Variants in LINGO2 observed in about 807,000 individuals in gnomAD.
LINGO2 encodes the protein leucine rich repeat and Ig domain containing 2.
A neutral mutation model predicts 30.6 loss-of-function variants in LINGO2; 14 were observed. That is an observed-to-expected ratio of 0.46 (90% CI 0.30 to 0.72). The LOEUF is 0.72. Among genes scored for constraint, LINGO2 ranks in the 30% least tolerant of loss-of-function variants. The pLI, the probability that LINGO2 is intolerant of heterozygous loss-of-function variation, is 0.07. For synonymous variants in LINGO2, 317 were observed against 288.5 expected (o/e 1.10, Z -1.00); for missense variants, 729 against 751.7 (o/e 0.97, Z 0.35).
chr9:28,473,653 C>T (rs965939593), intron 2 of LINGO2, among the ~76,000 whole-genome samples: 1 of 152,024 alleles, frequency 6.6e-6, no homozygotes, highest in East Asian at 1.9e-4. Flanking sequence ...TGTATGACTG[C>T]TTGATTTTCT....
chr9:28,544,715 G>A (rs971505151), intron 1 of LINGO2, among the ~76,000 whole-genome samples: 1 of 150,528 alleles, frequency 6.6e-6, no homozygotes, highest in Non-Finnish European at 1.5e-5. Context: ...TGAGTACACT[G>A]AATATAAAAA....
chr9:28,993,398 C>T, the LINGO2 span, among the ~76,000 whole-genome samples: 24 of 152,178 alleles, frequency 1.6e-4, no homozygotes, highest in South Asian at 4.8e-3. Context: ...AAAAAGAGTC[C>T]AGGACCAGAT....
intron 1 of LINGO2, among the ~76,000 whole-genome samples, chr9:28,540,989 C>A (rs543011480): frequency 6.6e-6 from 1 of 152,236 alleles, no homozygotes; most frequent in East Asian, 1.9e-4. Context: ...AGCCCAGGTC[C>A]ACTCCAATAT....
the LINGO2 span, among the ~76,000 whole-genome samples, chr9:29,109,066 ATATT>A: frequency 6.6e-6 from 1 of 152,196 alleles, no homozygotes; most frequent in Non-Finnish European, 1.5e-5. Flanking sequence ...GCAAATCTAC[ATATT>A]TATATATAAG....
the LINGO2 span, among the ~76,000 whole-genome samples, chr9:28,930,617 T>A: frequency 6.6e-6 from 1 of 152,192 alleles, no homozygotes. This position sits in a 1 kb window ranked among gnomAD's most constrained non-coding sequence, Gnocchi z 4.2. Context: ...GTATCTTTTA[T>A]CTTTGTATCT....
intron 4 of LINGO2, among the ~76,000 whole-genome samples, chr9:28,020,547 AAAACAAAAC>A (rs1823062787): frequency 1.4e-5 from 2 of 140,972 alleles, no homozygotes; most frequent in Non-Finnish European, 3.1e-5. Context: ...AAAACAAAAC[AAAACAAAAC>A]AAAACAAAAC....
At chr9:28,526,692 C>T (rs1456376814) in intron 1 of LINGO2, among the ~76,000 whole-genome samples, 1 of 152,048 alleles carries the variant, frequency 6.6e-6, no homozygotes, top group Non-Finnish European at 1.5e-5. Context: ...AAATGGAAAC[C>T]CACCACTGTG....
At chr9:29,014,838 C>T in the LINGO2 span, among the ~76,000 whole-genome samples, 3 of 152,064 alleles carry the variant, frequency 2.0e-5, no homozygotes. Flanking sequence ...TGTTATGACC[C>T]TGTGATTAAA....
At chr9:28,562,031 C>G (rs909666092) in intron 1 of LINGO2, among the ~76,000 whole-genome samples, 2 of 151,794 alleles carry the variant, frequency 1.3e-5, no homozygotes, top group African/African-American at 4.8e-5. Flanking sequence ...GCAATAGCCA[C>G]TTTGAACTCC....
intron 4 of LINGO2, among the ~76,000 whole-genome samples, chr9:28,221,801 C>T (rs1018314230): frequency 6.6e-6 from 1 of 152,176 alleles, no homozygotes; most frequent in Admixed American, 6.5e-5. Flanking sequence ...CTCACATTCA[C>T]TGATATACCA....
the LINGO2 span, among the ~76,000 whole-genome samples, chr9:29,064,198 A>G: frequency 6.6e-6 from 1 of 152,150 alleles, no homozygotes; most frequent in African/African-American, 2.4e-5. Context: ...GTATATTCCT[A>G]GAGTCACCAT....
At chr9:28,502,953 C>T (rs1225891247) in intron 1 of LINGO2, among the ~76,000 whole-genome samples, 1 of 151,974 alleles carries the variant, frequency 6.6e-6, no homozygotes, top group Non-Finnish European at 1.5e-5. Context: ...TAATGTAGGC[C>T]AAAGACAATC....
chr9:28,922,359 ACT>A, the LINGO2 span, among the ~76,000 whole-genome samples: 1 of 151,764 alleles, frequency 6.6e-6, no homozygotes, highest in Non-Finnish European at 1.5e-5. Flanking sequence ...GGGTACAGTT[ACT>A]CTGCAAAGAG....
chr9:28,711,997 C>T, the LINGO2 span, among the ~76,000 whole-genome samples: 3 of 152,054 alleles, frequency 2.0e-5, no homozygotes, highest in Admixed American at 6.6e-5. Flanking sequence ...ATGAAGACAG[C>T]CTTTTCATTG....
intron 1 of LINGO2, among the ~76,000 whole-genome samples, chr9:28,581,791 T>C (rs1371741292): frequency 6.6e-6 from 1 of 151,962 alleles, no homozygotes; most frequent in Non-Finnish European, 1.5e-5. Context: ...TATTAAATAA[T>C]TTTCTAATGT....
chr9:28,564,654 G>C (rs955834956), intron 1 of LINGO2, among the ~76,000 whole-genome samples: 2 of 151,912 alleles, frequency 1.3e-5, no homozygotes, highest in African/African-American at 4.8e-5. Context: ...TGAATCTTAG[G>C]GCTCCAATGT....
At chr9:28,272,371 T>C (rs1822971862) in intron 4 of LINGO2, among the ~76,000 whole-genome samples, 2 of 151,730 alleles carry the variant, frequency 1.3e-5, no homozygotes, top group African/African-American at 2.4e-5. Context: ...CTTTCTCTTG[T>C]TCCTTCTTCT....
the LINGO2 span, among the ~76,000 whole-genome samples, chr9:29,068,017 G>A: frequency 2.6e-5 from 4 of 151,798 alleles, no homozygotes; most frequent in African/African-American, 7.2e-5. Context: ...TTAAAATCCT[G>A]TTTTTACTTT....
chr9:28,419,645 C>T (rs1327306717), intron 2 of LINGO2, among the ~76,000 whole-genome samples: 2 of 151,322 alleles, frequency 1.3e-5, no homozygotes, highest in Non-Finnish European at 1.5e-5. Context: ...CTCTATTTTA[C>T]AGTTCTGAAA....
Sources: allele counts gnomAD v4.1 joint callset (sites outside exome capture counted in the v4.1 genomes callset), GRCh38; gene constraint gnomAD v4.1.1; non-coding constraint Gnocchi (gnomAD v3.1); transcripts MANE v1.5; gene names NCBI Gene and HGNC (gene_info 2026-07-23, HGNC 2026-07-21).